The following POT1 variants were observed in gnomAD, a reference collection of about 807,000 sequenced individuals.
POT1 encodes the protein protection of telomeres protein 1.
A neutral mutation model predicts 78.5 loss-of-function variants in POT1; 47 were observed. The ratio of observed to expected loss-of-function variants is 0.60; its 90% CI spans 0.47 to 0.76. POT1 has a LOEUF of 0.76. Ranked by LOEUF, POT1 falls within the 30% of genes least tolerant of loss-of-function variation. The pLI is 0.00. For missense variants in POT1, 646 were observed against 749.9 expected (o/e 0.86, Z 1.62); for synonymous variants, 259 against 260.7 (o/e 0.99, Z 0.06).
chr7:124,908,545 G>C (rs765257336), intron 3 of POT1, among the ~76,000 whole-genome samples: 1 of 151,678 alleles, frequency 6.6e-6, no homozygotes, highest in African/African-American at 2.4e-5. Flanking sequence ...TTCTCTCTTT[G>C]CAATCTATAA....
intron 6 of POT1, among the ~76,000 whole-genome samples, chr7:124,881,325 C>T (rs1192337445): frequency 6.6e-6 from 1 of 151,846 alleles, no homozygotes; most frequent in Admixed American, 6.6e-5. Flanking sequence ...CTTACGAGAC[C>T]ACTGTCATAC....
chr7:124,904,058 C>A (rs1246952169), intron 3 of POT1, among the ~76,000 whole-genome samples: 1 of 152,106 alleles, frequency 6.6e-6, no homozygotes, highest in African/African-American at 2.4e-5. Context: ...CAGGACCAGA[C>A]AGATCCACAG....
At chr7:124,852,016 A>C in intron 10 of POT1, 65 bp from the exon 11 acceptor site, 1 of 1,104,174 alleles carries the variant, frequency 9.1e-7, no homozygotes, top group Middle Eastern at 2.6e-4. Context: ...ATTTAGCTCT[A>C]CCCACAAAAT....
At chr7:124,920,428 A>G (rs558679663) in intron 2 of POT1, among the ~76,000 whole-genome samples, 1 of 152,304 alleles carries the variant, frequency 6.6e-6, no homozygotes, top group African/African-American at 2.4e-5. Context: ...GAGTTGGCAA[A>G]ACAGCTAACT....
chr7:124,906,401 TCAC>T (rs1253240431), intron 3 of POT1, among the ~76,000 whole-genome samples: 1 of 146,978 alleles, frequency 6.8e-6, no homozygotes, highest in African/African-American at 2.5e-5. Context: ...AGAAAACCAA[TCAC>T]CACATGTTCT....
chr7:124,850,787 C>T (rs1048064668), intron 11 of POT1, among the ~76,000 whole-genome samples: 1 of 151,778 alleles, frequency 6.6e-6, no homozygotes, highest in African/African-American at 2.4e-5. Context: ...ATAATGCCTG[C>T]AGGCACTTAC....
At position 124,823,495 on chromosome 7, in the gene POT1, A is replaced by C. The variant is rs1562971602; in HGVS notation, c.*467T>G. 6.6e-6 allele frequency: 1 copy of C among 152,324 alleles called. No individual in the cohort carries two copies. The highest frequency in any genetic ancestry group is 1.5e-5 in the Non-Finnish European group (1 of 68,130). 9.4% of individuals were successfully genotyped at this position (152,324 alleles called of 1,614,324 possible). On this transcript the variant is annotated 3_prime_UTR_variant, in exon 19 of 19. Coordinates refer to ENST00000357628, the MANE Select transcript of POT1 (RefSeq NM_015450.3). The stretch of plus-strand genomic sequence containing the variant: ...GGCATATTTTACATGAGACTATTAG[A>C]AAAGGATAATATTAAGTCATTAACA...
At chr7:124,843,121 C>T (rs572038514) in intron 12 of POT1, 158 bp from the exon 13 acceptor site, 22 of 495,274 alleles carry the variant, frequency 4.4e-5, no homozygotes, top group African/African-American at 3.8e-4. Flanking sequence ...CTGATGTATA[C>T]CCAAGGCCCA....
chr7:124,926,826 A>C (rs1797286078), intron 2 of POT1, among the ~76,000 whole-genome samples: 1 of 152,092 alleles, frequency 6.6e-6, no homozygotes, highest in Admixed American at 6.5e-5. Flanking sequence ...ACTGAGACAC[A>C]GAAAGAGAAA....
At chr7:124,903,972 G>T (rs4473974) in intron 3 of POT1, among the ~76,000 whole-genome samples, 32,885 of 152,090 alleles carry the variant, frequency 0.22, 3,992 homozygotes, top group East Asian at 0.3. Context: ...CCAGGAAGAA[G>T]TTGAATCCCT....
chr7:124,892,344 G>T lies in POT1; in HGVS notation c.46C>A (p.Gln16Lys). The T allele has an allele frequency of 6.6e-7, 1 of 1,521,738 alleles. No homozygotes were observed. The allele number at this position is 1,521,738 out of a possible 1,614,324, so 94.3% of individuals were successfully genotyped here. Residue 16 changes from glutamine to lysine, a missense_variant, in exon 6 of 19, where the codon CAA becomes AAA. Transcript: ENST00000357628. ...ATNYIYTPLN[Q>K]LKGGTIVNVY... ...TTGACAATTGTACCACCCTTAAGTT[G>T]ATTCAGGGGTGTATATATATAATTT... is the stretch of plus-strand genomic sequence containing the variant.
At chr7:124,899,123 AGTGT>A (rs1440072567) in intron 3 of POT1, among the ~76,000 whole-genome samples, 1 of 152,194 alleles carries the variant, frequency 6.6e-6, no homozygotes, top group Non-Finnish European at 1.5e-5. Flanking sequence ...GCATTACCAC[AGTGT>A]GCTCTGCACA....
chr7:124,825,697 T>A (rs1031757692), intron 17 of POT1, among the ~76,000 whole-genome samples: 1 of 152,178 alleles, frequency 6.6e-6, no homozygotes, highest in Non-Finnish European at 1.5e-5. Flanking sequence ...ACATACAGTA[T>A]ATGTATTATA....
intron 6 of POT1, among the ~76,000 whole-genome samples, chr7:124,888,893 C>CT (rs1796305465): frequency 2.1e-5 from 2 of 94,838 alleles, no homozygotes; most frequent in African/African-American, 8.5e-5. Context: ...CCTGTCATTC[C>CT]CCTCTCCCTC....
intron 6 of POT1, among the ~76,000 whole-genome samples, chr7:124,873,259 G>A (rs1048937922): frequency 2.6e-5 from 4 of 152,114 alleles, no homozygotes; most frequent in Admixed American, 6.6e-5. Context: ...CTTCCCCTAT[G>A]TTTTCTTCTA....
intron 6 of POT1, among the ~76,000 whole-genome samples, chr7:124,883,454 T>C (rs1300972915): frequency 1.3e-5 from 2 of 152,126 alleles, no homozygotes; most frequent in African/African-American, 2.4e-5. Flanking sequence ...GAATTTCCCA[T>C]GTCATATTAT....
chr7:124,879,299 T>C (rs1246200072), intron 6 of POT1, among the ~76,000 whole-genome samples: 2 of 152,108 alleles, frequency 1.3e-5, no homozygotes, highest in African/African-American at 4.8e-5. Context: ...AAACTACATC[T>C]TGGTCTATTG....
chr7:124,844,046 C>A lies in POT1; in HGVS notation c.1007-1083G>T, dbSNP rs565700436. On this transcript the variant is annotated intron_variant, in intron 12 of 18. Coordinates refer to ENST00000357628, the MANE Select transcript of POT1 (RefSeq NM_015450.3). The stretch of plus-strand genomic sequence containing the variant: ...TTCATCATTTATTATTTCTCACTTG[C>A]CTTTATCAGAGTGGAACATTTATTA... 3.3e-5 allele frequency among the ~76,000 whole-genome samples: 5 copies of A among 151,818 alleles called. No homozygotes were observed. The East Asian group carries it at 7.7e-4, about 23-fold the overall frequency.
At position 124,880,060 on chromosome 7, in the gene POT1, T is replaced by A. The variant is rs144670420; in HGVS notation, c.125-9019A>T. On this transcript the variant is annotated intron_variant, in intron 6 of 18. Coordinates refer to ENST00000357628, the MANE Select transcript of POT1 (RefSeq NM_015450.3). Reference sequence around the variant, plus strand: ...CACTTGAACCTGTTTATGCTGTAAGTAGAACTGTGAATAATGCCTGTATAG... The same window carrying A: ...CACTTGAACCTGTTTATGCTGTAAGAAGAACTGTGAATAATGCCTGTATAG... Among the ~76,000 whole-genome samples, 13 of 152,230 alleles carry A rather than the reference T, an allele frequency of 8.5e-5. No homozygotes were observed. The East Asian group carries it at 2.1e-3, about 25-fold the overall frequency.
Sources: gnomAD v4.1 joint callset for allele counts (sites outside exome capture counted in the v4.1 genomes callset) on GRCh38, gnomAD v4.1.1 for gene constraint, MANE v1.5 for transcripts, NCBI Gene and HGNC (gene_info 2026-07-23, HGNC 2026-07-21) for gene names.